BTAF1: variants seen among roughly 807,000 people sequenced by gnomAD.
BTAF1 encodes B-TFIID TATA-box binding protein associated factor 1.
BTAF1 carries 38 observed loss-of-function variants against 227.1 expected under a neutral mutation model. The ratio of observed to expected loss-of-function variants is 0.17; its 90% CI spans 0.13 to 0.22. BTAF1 has a LOEUF of 0.22. BTAF1 is among the 10% of genes least tolerant of loss of function. BTAF1 has a pLI of 1.00. For missense variants in BTAF1, 1,598 were observed against 2,204.0 expected (o/e 0.73, Z 5.51); for synonymous variants, 742 against 751.9 (o/e 0.99, Z 0.21).
intron 25 of BTAF1, among the ~76,000 whole-genome samples, chr10:92,007,482 C>A (rs945786398): frequency 6.6e-5 from 10 of 152,002 alleles, no homozygotes; most frequent in African/African-American, 2.2e-4. Context: ...CTCCTGCAGT[C>A]CTGGGGCTGG....
chr10:92,002,135 C>T (rs1334517656), intron 25 of BTAF1, among the ~76,000 whole-genome samples: 1 of 151,942 alleles, frequency 6.6e-6, no homozygotes, highest in Non-Finnish European at 1.5e-5. Context: ...TAAAAACACA[C>T]TGGATTGCAT....
chr10:91,973,875 G>A lies in BTAF1; in HGVS notation c.1651-6579G>A, dbSNP rs937854700. ...GCTGAGATCCCGCCACTGCACTCCA[G>A]CCTGGGCGACAGAGCGAGACTCCGT... On this transcript the variant is annotated intron_variant, in intron 14 of 37. Transcript: ENST00000265990. 2.9e-4 allele frequency among the ~76,000 whole-genome samples: 38 copies of A among 131,170 alleles called. No homozygotes were observed. The South Asian group carries it at 3.7e-3, about 13-fold the overall frequency. 86.1% of individuals were successfully genotyped at this position (131,170 alleles called of 152,430 possible). A position where few individuals can be genotyped will look rare whatever the true frequency, so the allele number is the denominator to read the frequency against.
intron 25 of BTAF1, among the ~76,000 whole-genome samples, chr10:92,000,110 A>T (rs748773753): frequency 6.6e-6 from 1 of 152,220 alleles, no homozygotes; most frequent in Non-Finnish European, 1.5e-5. Context: ...CACTAAAAAA[A>T]GTGTGAAAAA....
At chr10:91,991,279 T>TATATATATATATATATATATATATAAAA (rs1256838673) in intron 20 of BTAF1, among the ~76,000 whole-genome samples, 15 of 98,436 alleles carry the variant, frequency 1.5e-4, no homozygotes, top group Non-Finnish European at 2.6e-4. Flanking sequence ...TAAATATATA[T>TATATATATATATATATATATATATAAAA]ATATATATAT....
intron 18 of BTAF1, among the ~76,000 whole-genome samples, chr10:91,983,765 A>G (rs573716674): frequency 1.1e-4 from 16 of 152,204 alleles, no homozygotes; most frequent in Non-Finnish European, 1.8e-4. Context: ...TTGGGGATAG[A>G]TAAGTAGCTT....
At chr10:91,925,568 G>C (rs1843771002) in intron 1 of BTAF1, among the ~76,000 whole-genome samples, 1 of 141,564 alleles carries the variant, frequency 7.1e-6, no homozygotes. Flanking sequence ...CTGGAGTGCA[G>C]TGGCGAGATC....
chr10:92,028,050 A>AT (rs1851646824), intron 37 of BTAF1, among the ~76,000 whole-genome samples: 1 of 152,222 alleles, frequency 6.6e-6, no homozygotes, highest in Non-Finnish European at 1.5e-5. Flanking sequence ...ATGGTAACAA[A>AT]TTAAGTCCCT....
intron 2 of BTAF1, among the ~76,000 whole-genome samples, chr10:91,937,771 G>GT (rs909808902): frequency 1.3e-5 from 2 of 151,758 alleles, no homozygotes; most frequent in Non-Finnish European, 2.9e-5. Flanking sequence ...AATTTTGGAG[G>GT]TTTTTTTTCC....
chr10:91,950,039 G>C (rs954830579), intron 4 of BTAF1, among the ~76,000 whole-genome samples: 1 of 151,830 alleles, frequency 6.6e-6, no homozygotes, highest in Non-Finnish European at 1.5e-5. Flanking sequence ...CTACTCAGAA[G>C]GCTGAGGCAG....
At chr10:91,929,647 G>GA (rs1408289323) in intron 1 of BTAF1, among the ~76,000 whole-genome samples, 1 of 152,136 alleles carries the variant, frequency 6.6e-6, no homozygotes, top group Non-Finnish European at 1.5e-5. Flanking sequence ...TGTTAATGTA[G>GA]AAAAAACTAC....
At chr10:91,980,909 G>A (rs1404794324) in intron 15 of BTAF1, among the ~76,000 whole-genome samples, 2 of 152,100 alleles carry the variant, frequency 1.3e-5, no homozygotes, top group African/African-American at 4.8e-5. Flanking sequence ...GGATCTGTTG[G>A]TAATATAGAG....
At chr10:91,991,789 G>GTATATATATA (rs1848781713) in intron 20 of BTAF1, among the ~76,000 whole-genome samples, 1 of 77,840 alleles carries the variant, frequency 1.3e-5, no homozygotes, top group African/African-American at 7.3e-5. Context: ...GTGTGTGTGT[G>GTATATATATA]TGTGTGTGTA....
Position 92,029,638 on chromosome 10 carries a change from T to C in BTAF1, c.*705T>C, listed in dbSNP as rs142894653. 7.9e-5 allele frequency: 12 copies of C among 152,120 alleles called. No individual in the cohort carries two copies. Among genetic ancestry groups the C allele is most frequent in the African/African-American group, 2.4e-4 (10 of 41,552 alleles). The allele number at this position is 152,120 out of a possible 1,614,324, so 9.4% of individuals were successfully genotyped here. On this transcript the variant is annotated 3_prime_UTR_variant, in exon 38 of 38. Transcript: ENST00000265990. ...TTTAATTTATCTAATGGCTACGATA[T>C]AGCCAGATTCAAATAACATATGTAC...
intron 20 of BTAF1, among the ~76,000 whole-genome samples, chr10:91,991,871 C>T (rs1027817669): frequency 3.3e-5 from 5 of 149,764 alleles, no homozygotes; most frequent in African/African-American, 1.2e-4. Flanking sequence ...TAACTGAAGT[C>T]ACAATAATTT....
intron 15 of BTAF1, among the ~76,000 whole-genome samples, chr10:91,981,397 TG>T (rs1848049088): frequency 6.6e-6 from 1 of 152,192 alleles, no homozygotes; most frequent in Non-Finnish European, 1.5e-5. Flanking sequence ...TTTATAGGCA[TG>T]TTTTTTTAAA....
chr10:92,003,954 A>G (rs1241120445), intron 25 of BTAF1, among the ~76,000 whole-genome samples: 1 of 152,168 alleles, frequency 6.6e-6, no homozygotes, highest in African/African-American at 2.4e-5. Flanking sequence ...CTGAGGTAAT[A>G]TCTCATACCA....
intron 32 of BTAF1, 114 bp from the exon 33 acceptor site, chr10:92,016,226 T>A: frequency 7.8e-7 from 1 of 1,275,730 alleles, no homozygotes; most frequent in South Asian, 1.6e-5. Context: ...CAATTTGTTT[T>A]CATTAATGAG....
At chr10:91,939,930 C>G (rs1844879677) in intron 2 of BTAF1, 22 bp from the exon 3 acceptor site, 4 of 1,535,040 alleles carry the variant, frequency 2.6e-6, no homozygotes, top group Non-Finnish European at 3.6e-6. Context: ...GTATACGTAA[C>G]TTTTATTTTA....
chr10:91,986,405 G>A (rs1266688766), intron 19 of BTAF1, among the ~76,000 whole-genome samples: 2 of 152,074 alleles, frequency 1.3e-5, no homozygotes, highest in Non-Finnish European at 2.9e-5. Context: ...CCTTTTTTGA[G>A]TTATAGGATC....
Sources: allele counts gnomAD v4.1 joint callset (sites outside exome capture counted in the v4.1 genomes callset), GRCh38; gene constraint gnomAD v4.1.1; transcripts MANE v1.5; gene names NCBI Gene and HGNC (gene_info 2026-07-23, HGNC 2026-07-21).